Variants in NTM observed in about 807,000 individuals in gnomAD.
NTM encodes neurotrimin, also known as IgLON family member 2.
NTM carries 13 observed loss-of-function variants against 42.1 expected under a neutral mutation model. The ratio of observed to expected loss-of-function variants is 0.31; its 90% confidence interval spans 0.20 to 0.49. The LOEUF (loss-of-function observed/expected upper bound fraction) is 0.49. NTM is among the 20% of genes least tolerant of loss of function. NTM has a pLI of 0.99. For missense variants in NTM, 373 were observed against 452.8 expected (o/e 0.82, Z 1.60); for synonymous variants, 187 against 179.2 (o/e 1.04, Z -0.35).
intron 1 of NTM, among the ~76,000 whole-genome samples, chr11:131,483,320 G>T (rs1490183718): frequency 6.6e-6 from 1 of 152,168 alleles, no homozygotes; most frequent in African/African-American, 2.4e-5. Context: ...TACTCTCTGT[G>T]GTGAGAAGAC....
At chr11:132,281,667 G>C (rs2093975336) in intron 4 of NTM, among the ~76,000 whole-genome samples, 1 of 152,162 alleles carries the variant, frequency 6.6e-6, no homozygotes, top group African/African-American at 2.4e-5. Flanking sequence ...AATATGTGCA[G>C]CCCAAAGCAT....
Position 131,864,095 on chromosome 11 carries a change from G to C in NTM, c.83-47469G>C, listed in dbSNP as rs1305457922. ...AGGAAGGAAGAGAAGTGAGAGGCAG[G>C]GAGTTAGATCAGTCAATCACACAAT... On this transcript the variant is annotated intron_variant, in intron 1 of 8. Coordinates refer to ENST00000683400, the MANE Select transcript of NTM (RefSeq NM_001352005.2). 2.6e-5 allele frequency among the ~76,000 whole-genome samples: 4 copies of C among 152,032 alleles called. No individual in the cohort carries two copies. The South Asian group carries it at 8.3e-4, about 32-fold the overall frequency.
chr11:131,507,849 C>T (rs967069196), intron 1 of NTM, among the ~76,000 whole-genome samples: 1 of 151,434 alleles, frequency 6.6e-6, no homozygotes, highest in African/African-American at 2.4e-5. Context: ...CATGATTTGG[C>T]TCTCTGTTTG....
At chr11:131,913,558 T>C (rs1382722338) in intron 2 of NTM, among the ~76,000 whole-genome samples, 1 of 152,316 alleles carries the variant, frequency 6.6e-6, no homozygotes, top group Non-Finnish European at 1.5e-5. Context: ...AATCGCGTTA[T>C]CATGTACTGG....
At chr11:131,995,308 C>G (rs2067794366) in intron 2 of NTM, among the ~76,000 whole-genome samples, 1 of 152,166 alleles carries the variant, frequency 6.6e-6, no homozygotes, top group African/African-American at 2.4e-5. Context: ...TGCTAGGATG[C>G]AAGCACCCTT....
Position 131,563,215 on chromosome 11 carries a change from AATT to A in NTM, c.82+192339_82+192341del, listed in dbSNP as rs112213908. Among the ~76,000 whole-genome samples, 84 of 152,244 alleles carry A rather than the reference AATT, an allele frequency of 5.5e-4. 1 individual carries two copies. Among genetic ancestry groups the A allele is most frequent in the African/African-American group, 1.9e-3 (79 of 41,550 alleles). ...GCTTGAAAGAATCCATGCAAGTGCA[AATT>A]ATTATTATTATATCACTGGAGCCTT... On this transcript the variant is annotated intron_variant, in intron 1 of 8. Transcript: ENST00000683400.
rs74620147 is a variant in NTM, at chr11:132,272,574, A to T, written c.527-35115A>T. Among the ~76,000 whole-genome samples the T allele has an allele frequency of 9.4e-3, 1,430 of 152,254 alleles. 17 individuals carry two copies. The highest frequency in any genetic ancestry group is 0.032 in the African/African-American group (1,343 of 41,570). On this transcript the variant is annotated intron_variant, in intron 4 of 8. Transcript: ENST00000683400. ...TTCAATAATATTTTGTAGTTTGCAT[A>T]GTAAAGTTTGTCACTATTTTATTAA...
At chr11:132,154,759 G>A (rs1430244586) in intron 3 of NTM, among the ~76,000 whole-genome samples, 1 of 152,202 alleles carries the variant, frequency 6.6e-6, no homozygotes, top group Non-Finnish European at 1.5e-5. Context: ...GTCACCACTT[G>A]GAGTGTATGT....
intron 1 of NTM, among the ~76,000 whole-genome samples, chr11:131,416,033 T>C (rs1946909041): frequency 6.6e-6 from 1 of 152,230 alleles, no homozygotes; most frequent in Non-Finnish European, 1.5e-5. Flanking sequence ...CAATGAAAAC[T>C]ATTTTAGTAC....
intron 1 of NTM, among the ~76,000 whole-genome samples, chr11:131,786,609 G>A (rs559977217): frequency 6.6e-6 from 1 of 152,140 alleles, no homozygotes; most frequent in Non-Finnish European, 1.5e-5. Context: ...GTAAAACCCA[G>A]TGCCAGAGAG....
At chr11:132,293,617 TAC>T (rs1364021417) in intron 4 of NTM, among the ~76,000 whole-genome samples, 4 of 151,864 alleles carry the variant, frequency 2.6e-5, no homozygotes, top group Non-Finnish European at 5.9e-5. Flanking sequence ...GTCAGCAAAC[TAC>T]AGCCTATGGG....
intron 2 of NTM, among the ~76,000 whole-genome samples, chr11:131,952,887 C>T (rs1329239134): frequency 6.6e-6 from 1 of 152,108 alleles, no homozygotes; most frequent in Non-Finnish European, 1.5e-5. Context: ...TCATGATAGG[C>T]CTTGATGCCC....
In NTM at chr11:132,157,035, C is replaced by A. The variant is rs187446293; in HGVS notation, c.400+10521C>A. Among the ~76,000 whole-genome samples, 437 of 152,308 alleles carry A rather than the reference C, an allele frequency of 2.9e-3. 1 individual carries two copies. Among genetic ancestry groups the A allele is most frequent in the African/African-American group, 0.01 (428 of 41,562 alleles). Reference sequence around the variant, plus strand: ...GCTGGGAGCACCAAAGACCAGATATCTTTTGAGAGCCTCTGGAGGAATCAC... The same window carrying A: ...GCTGGGAGCACCAAAGACCAGATATATTTTGAGAGCCTCTGGAGGAATCAC... On this transcript the variant is annotated intron_variant, in intron 3 of 8. Transcript: ENST00000683400.
At chr11:131,645,431 G>A (rs981711626) in intron 1 of NTM, among the ~76,000 whole-genome samples, 2 of 152,288 alleles carry the variant, frequency 1.3e-5, no homozygotes, top group Middle Eastern at 3.4e-3. Flanking sequence ...GGAAAGGAGT[G>A]AAAGGGCATT....
intron 1 of NTM, among the ~76,000 whole-genome samples, chr11:131,491,220 C>G (rs905690291): frequency 6.6e-6 from 1 of 152,190 alleles, no homozygotes; most frequent in African/African-American, 2.4e-5. Context: ...TTAAAAAAAT[C>G]AGTCAACTAT....
intron 1 of NTM, among the ~76,000 whole-genome samples, chr11:131,544,324 C>T (rs1592000394): frequency 1.3e-5 from 2 of 152,298 alleles, no homozygotes; most frequent in Admixed American, 1.3e-4. Context: ...CTCCCTTCGT[C>T]CTCTGGGGAA....
At chr11:131,942,004 C>G (rs1424361259) in intron 2 of NTM, among the ~76,000 whole-genome samples, 1 of 152,132 alleles carries the variant, frequency 6.6e-6, no homozygotes, top group Non-Finnish European at 1.5e-5. Flanking sequence ...TTCTTCTCCT[C>G]CCTTCTGGAG....
chr11:132,125,304 TG>T (rs1491082834), intron 2 of NTM, among the ~76,000 whole-genome samples: 2 of 137,572 alleles, frequency 1.5e-5, no homozygotes, highest in Non-Finnish European at 3.2e-5. Context: ...TGTGTGTGTG[TG>T]GTGTGGTATG....
intron 4 of NTM, among the ~76,000 whole-genome samples, chr11:132,273,309 G>GTTTTTTTTTTTTTTTTTT (rs57877862): frequency 1.8e-5 from 1 of 55,656 alleles, no homozygotes; most frequent in Non-Finnish European, 2.9e-5. Flanking sequence ...GTTGACTAGT[G>GTTTTTTTTTTTTTTTTTT]TTTTTTTTTT....
Sources: gnomAD v4.1 joint callset for allele counts (sites outside exome capture counted in the v4.1 genomes callset) on GRCh38, gnomAD v4.1.1 for gene constraint, MANE v1.5 for transcripts, NCBI Gene and HGNC (gene_info 2026-07-23, HGNC 2026-07-21) for gene names.